The following SYT17 variants were observed in gnomAD, a reference collection of about 807,000 sequenced individuals.
The protein encoded by SYT17 is synaptotagmin 17.
SYT17 carries 22 observed loss-of-function variants against 46.7 expected under a neutral mutation model. The observed-to-expected ratio is 0.47, with a 90% CI of 0.34 to 0.67. SYT17 has a LOEUF of 0.67. Ranked by LOEUF, SYT17 falls within the 30% of genes least tolerant of loss-of-function variation. SYT17 has a pLI of 0.01. For missense variants in SYT17, 519 were observed against 612.8 expected (o/e 0.85, Z 1.62); for synonymous variants, 251 against 248.4 (o/e 1.01, Z -0.10).
intron 7 of SYT17, among the ~76,000 whole-genome samples, chr16:19,249,743 G>C (rs1967894701): frequency 6.6e-6 from 1 of 152,158 alleles, no homozygotes. Context: ...TTTGTTTGGT[G>C]TTTTGGGTAG....
intron 5 of SYT17, among the ~76,000 whole-genome samples, chr16:19,200,531 A>G (rs1256696107): frequency 6.6e-6 from 1 of 152,220 alleles, no homozygotes; most frequent in Non-Finnish European, 1.5e-5. Context: ...ATAAGAGGCA[A>G]GGGGTTCCTC....
intron 7 of SYT17, among the ~76,000 whole-genome samples, chr16:19,238,547 C>T (rs1223134676): frequency 2.0e-5 from 3 of 152,250 alleles, no homozygotes; most frequent in African/African-American, 7.2e-5. Context: ...GGATCGTACA[C>T]ATCCATTATG....
chr16:19,250,165 C>T (rs1309688066), intron 7 of SYT17: 4 of 1,261,704 alleles, frequency 3.2e-6, no homozygotes, highest in Admixed American at 3.0e-5. Flanking sequence ...AAAGAATTGT[C>T]CCATGAACAC....
At chr16:19,220,615 G>C (rs1272298919) in intron 5 of SYT17, among the ~76,000 whole-genome samples, 1 of 152,116 alleles carries the variant, frequency 6.6e-6, no homozygotes, top group Non-Finnish European at 1.5e-5. Context: ...GACACTTCTT[G>C]AAGTATGGCA....
chr16:19,195,754 C>T (rs532582350), intron 5 of SYT17, among the ~76,000 whole-genome samples: 145 of 151,436 alleles, frequency 9.6e-4, no homozygotes, highest in Non-Finnish European at 1.7e-3. Flanking sequence ...GAGGCCAAGG[C>T]GGGGGGATTA....
At chr16:19,232,953 ACT>A (rs1001054295) in intron 7 of SYT17, among the ~76,000 whole-genome samples, 22 of 152,132 alleles carry the variant, frequency 1.4e-4, no homozygotes, top group African/African-American at 4.6e-4. Context: ...CTTTAAAAAA[ACT>A]CTGATGCCCC....
intron 5 of SYT17, among the ~76,000 whole-genome samples, chr16:19,196,896 C>A: frequency 6.6e-6 from 1 of 152,102 alleles, no homozygotes; most frequent in Admixed American, 6.5e-5. Context: ...TTGAGGTGCT[C>A]AGAGTTATGT....
At chr16:19,256,751 A>T (rs1014701926) in intron 7 of SYT17, among the ~76,000 whole-genome samples, 8 of 151,834 alleles carry the variant, frequency 5.3e-5, no homozygotes, top group Non-Finnish European at 7.4e-5. Context: ...GCTACTTTTT[A>T]AATTTTTTTA....
chr16:19,196,513 G>A lies in SYT17; in HGVS notation c.951+12366G>A, dbSNP rs182944721. ...CCGCCTTGGCCTCCCAAAGTGTTGG[G>A]ATTACAGATGTGAGCCACCAGCACC... On this transcript the variant is annotated intron_variant, in intron 5 of 7. Coordinates refer to ENST00000355377, the MANE Select transcript of SYT17 (RefSeq NM_016524.4). 6.3e-3 allele frequency among the ~76,000 whole-genome samples: 957 copies of A among 152,170 alleles called. 11 individuals are homozygous for A. Among genetic ancestry groups the A allele is most frequent in the Admixed American group, 0.013 (205 of 15,270 alleles).
chr16:19,218,212 C>T (rs1168439380), intron 5 of SYT17, among the ~76,000 whole-genome samples: 3 of 152,174 alleles, frequency 2.0e-5, no homozygotes, highest in Admixed American at 1.3e-4. Flanking sequence ...TCGTGACATC[C>T]CCAAGTGCTT....
intron 7 of SYT17, among the ~76,000 whole-genome samples, chr16:19,262,595 A>T (rs1969060435): frequency 7.0e-6 from 1 of 143,020 alleles, no homozygotes; most frequent in Admixed American, 6.7e-5. Context: ...TTATACGAGC[A>T]GTGCCTAATT....
intron 5 of SYT17, among the ~76,000 whole-genome samples, chr16:19,215,958 C>T (rs572766237): frequency 3.9e-5 from 6 of 152,162 alleles, no homozygotes; most frequent in Admixed American, 2.0e-4. Context: ...TTTTTAAGAC[C>T]ATCAGATCTC....
chr16:19,260,190 A>G (rs1395795927), intron 7 of SYT17, among the ~76,000 whole-genome samples: 1 of 152,002 alleles, frequency 6.6e-6, no homozygotes, highest in Non-Finnish European at 1.5e-5. Flanking sequence ...TTCTTACCAG[A>G]TTTAAAGAGT....
chr16:19,267,481 T>C lies in SYT17; in HGVS notation c.*405T>C, dbSNP rs1969443972. 1 of 160,046 alleles carries C rather than the reference T, an allele frequency of 6.2e-6. No individual in the cohort carries two copies. The highest frequency in any genetic ancestry group is 1.4e-5 in the Non-Finnish European group (1 of 73,284). The allele number at this position is 160,046 out of a possible 1,614,324, so 9.9% of individuals were successfully genotyped here. A position where few individuals can be genotyped will look rare whatever the true frequency, so the allele number is the denominator to read the frequency against. ...AAATTTACCAAGAGTTTGGCCAGTG[T>C]GTGGGAGACTTGAACACCCCCCACT... On this transcript the variant is annotated 3_prime_UTR_variant, in exon 8 of 8. Coordinates refer to ENST00000355377, the MANE Select transcript of SYT17 (RefSeq NM_016524.4).
chr16:19,241,229 G>A (rs1294224383), intron 7 of SYT17, among the ~76,000 whole-genome samples: 1 of 151,962 alleles, frequency 6.6e-6, no homozygotes, highest in Non-Finnish European at 1.5e-5. Context: ...TTACAGGCGT[G>A]AGCCACCGCG....
Position 19,208,884 on chromosome 16 carries a change from C to CTTTTTTTTTTTTTTTTTTT in SYT17, c.952-14153_952-14135dup, listed in dbSNP as rs1191498524. Among the ~76,000 whole-genome samples, 7 of 63,312 alleles carry CTTTTTTTTTTTTTTTTTTT rather than the reference C, an allele frequency of 1.1e-4. 2 individuals are homozygous for CTTTTTTTTTTTTTTTTTTT. Among genetic ancestry groups the CTTTTTTTTTTTTTTTTTTT allele is most frequent in the African/African-American group, 4.9e-4 (7 of 14,200 alleles). 41.5% of individuals were successfully genotyped at this position (63,312 alleles called of 152,430 possible). A position where few individuals can be genotyped will look rare whatever the true frequency, so the allele number is the denominator to read the frequency against. On this transcript the variant is annotated intron_variant, in intron 5 of 7. Coordinates refer to ENST00000355377, the MANE Select transcript of SYT17 (RefSeq NM_016524.4). ...ATTTAATCACTTCTACAAGGACCTT[C>CTTTTTTTTTTTTTTTTTTT]TTTTTTTTTTTTTTTTTTTTTTTTT...
intron 6 of SYT17, 112 bp downstream of exon 6, chr16:19,223,277 G>T: frequency 7.4e-7 from 1 of 1,358,592 alleles, no homozygotes; most frequent in Admixed American, 2.3e-5. Flanking sequence ...ATCTCAGGAT[G>T]AGGCAGGTAA....
intron 5 of SYT17, among the ~76,000 whole-genome samples, chr16:19,203,168 G>A (rs1965531228): frequency 6.6e-6 from 1 of 152,080 alleles, no homozygotes; most frequent in South Asian, 2.1e-4. Flanking sequence ...CTCCCATAGG[G>A]TTGCTGTGAA....
At chr16:19,224,941 T>G in intron 7 of SYT17, 103 bp downstream of exon 7, 1 of 1,350,258 alleles carries the variant, frequency 7.4e-7, no homozygotes. Context: ...AAGAACGTAA[T>G]GTCTGGCATT....
Sources: allele counts gnomAD v4.1 joint callset (sites outside exome capture counted in the v4.1 genomes callset), GRCh38; gene constraint gnomAD v4.1.1; transcripts MANE v1.5; gene names NCBI Gene and HGNC (gene_info 2026-07-23, HGNC 2026-07-21).